Variants in GALNT13 observed in about 807,000 individuals in gnomAD.
GALNT13 encodes the protein UDP-GalNAc:polypeptide N-acetylgalactosaminyltransferase 13.
Under a neutral mutation model 64.2 loss-of-function variants are expected in GALNT13, and 28 were observed. The ratio of observed to expected loss-of-function variants is 0.44; its 90% CI spans 0.32 to 0.60. The LOEUF is 0.60. Ranked by LOEUF, GALNT13 falls within the 20% of genes least tolerant of loss-of-function variation. The pLI is 0.05. For missense variants in GALNT13, 577 were observed against 669.8 expected (o/e 0.86, Z 1.53); for synonymous variants, 214 against 224.6 (o/e 0.95, Z 0.42).
At chr2:153,891,992 A>G (rs911842509) in intron 1 of GALNT13, among the ~76,000 whole-genome samples, 4 of 152,026 alleles carry the variant, frequency 2.6e-5, no homozygotes, top group East Asian at 3.9e-4. Flanking sequence ...GCTCATTTCA[A>G]AGATCAGCTC....
At chr2:153,271,524 A>C in the GALNT13 span, among the ~76,000 whole-genome samples, 8 of 152,228 alleles carry the variant, frequency 5.3e-5, no homozygotes, top group African/African-American at 1.9e-4. Flanking sequence ...CAATTGCTAC[A>C]AAGAGAATAA....
intron 1 of GALNT13, among the ~76,000 whole-genome samples, 184 bp from the exon 2 acceptor site, chr2:153,900,752 G>T (rs1688182107): frequency 6.6e-6 from 1 of 152,014 alleles, no homozygotes; most frequent in African/African-American, 2.4e-5. Flanking sequence ...TGGAATATTT[G>T]CATATAGTTG....
chr2:154,002,265 G>GTT (rs1214548280), intron 3 of GALNT13, among the ~76,000 whole-genome samples: 4 of 151,998 alleles, frequency 2.6e-5, no homozygotes, highest in African/African-American at 9.6e-5. Flanking sequence ...TTTCTAGGCT[G>GTT]TTTTTTTCTT....
chr2:154,314,905 C>G (rs1186161514), intron 9 of GALNT13, among the ~76,000 whole-genome samples: 1 of 152,116 alleles, frequency 6.6e-6, no homozygotes, highest in East Asian at 1.9e-4. Context: ...GAAACACACT[C>G]TTCTTTGCCT....
chr2:153,735,753 A>T, the GALNT13 span, among the ~76,000 whole-genome samples: 3 of 152,198 alleles, frequency 2.0e-5, no homozygotes, highest in Admixed American at 6.5e-5. Context: ...ATATCCCTCA[A>T]CCTGGTTTGT....
chr2:153,629,780 T>A, the GALNT13 span, among the ~76,000 whole-genome samples: 5 of 147,062 alleles, frequency 3.4e-5, no homozygotes, highest in East Asian at 6.0e-4. Context: ...GAATCTACAA[T>A]GAACTCAAAC....
the GALNT13 span, among the ~76,000 whole-genome samples, chr2:153,105,994 T>A: frequency 6.6e-6 from 1 of 152,174 alleles, no homozygotes; most frequent in Non-Finnish European, 1.5e-5. Context: ...CATAGAGCTG[T>A]CAAGTCTCTG....
At chr2:153,870,312 G>A (rs534409194), upstream of GALNT13, among the ~76,000 whole-genome samples, 31 of 152,204 alleles carry the variant, frequency 2.0e-4, no homozygotes, top group African/African-American at 6.5e-4. Context: ...ACTGCAAAAT[G>A]GAATTGCGCC....
chr2:153,222,274 G>A, the GALNT13 span, among the ~76,000 whole-genome samples: 226 of 117,816 alleles, frequency 1.9e-3, 5 homozygotes, highest in East Asian at 0.062. Context: ...CATTTCCGCA[G>A]GCAGGTTTTC....
At chr2:154,141,705 T>C (rs950654779) in intron 4 of GALNT13, among the ~76,000 whole-genome samples, 1 of 152,224 alleles carries the variant, frequency 6.6e-6, no homozygotes, top group Admixed American at 6.6e-5. Flanking sequence ...GCATTGCTTT[T>C]CCAGCACAAA....
intron 3 of GALNT13, among the ~76,000 whole-genome samples, chr2:154,124,187 G>C (rs899640539): frequency 6.6e-6 from 1 of 151,852 alleles, no homozygotes; most frequent in African/African-American, 2.4e-5. Context: ...TAATCATTCA[G>C]ATGAGACCAA....
At chr2:154,236,131 C>G in intron 4 of GALNT13, 7 of 1,135,988 alleles carry the variant, frequency 6.2e-6, no homozygotes, top group African/African-American at 1.6e-5. Context: ...CTGACTTTCC[C>G]TGCTTTCGTG....
intron 4 of GALNT13, among the ~76,000 whole-genome samples, chr2:154,153,423 C>T (rs961090287): frequency 6.6e-6 from 1 of 152,208 alleles, no homozygotes; most frequent in East Asian, 1.9e-4. Flanking sequence ...TCTCAGATCT[C>T]TAGCTGCATG....
chr2:154,441,740 A>T (rs184495784), intron 12 of GALNT13: 16 of 152,166 alleles, frequency 1.1e-4, no homozygotes, highest in Admixed American at 2.6e-4. Context: ...TATCCAGAGA[A>T]AAATGGAAAC....
At chr2:153,809,128 C>T in the GALNT13 span, among the ~76,000 whole-genome samples, 5 of 152,238 alleles carry the variant, frequency 3.3e-5, no homozygotes, top group South Asian at 6.2e-4. Context: ...TCTTCACTGA[C>T]GGTAAAATCT....
the GALNT13 span, among the ~76,000 whole-genome samples, chr2:153,645,591 TC>T: frequency 6.6e-6 from 1 of 152,172 alleles, no homozygotes; most frequent in South Asian, 2.1e-4. Context: ...AGCTGTTTTT[TC>T]ACTCATCATG....
At chr2:153,938,877 G>C (rs1027345823) in intron 2 of GALNT13, among the ~76,000 whole-genome samples, 9 of 152,096 alleles carry the variant, frequency 5.9e-5, no homozygotes, top group African/African-American at 1.2e-4. Flanking sequence ...AGATACTAGG[G>C]GTTAGGACTT....
At chr2:153,369,119 C>A in the GALNT13 span, among the ~76,000 whole-genome samples, 1 of 151,980 alleles carries the variant, frequency 6.6e-6, no homozygotes, top group African/African-American at 2.4e-5. Flanking sequence ...TATTTTGAAA[C>A]AAATGAATGT....
At chr2:154,249,006 C>G (rs929504345) in intron 7 of GALNT13, among the ~76,000 whole-genome samples, 11 of 152,132 alleles carry the variant, frequency 7.2e-5, no homozygotes, top group Non-Finnish European at 1.3e-4. Context: ...GAGTTTGAAA[C>G]TCATCAAGCA....
Sources: allele counts gnomAD v4.1 joint callset (sites outside exome capture counted in the v4.1 genomes callset), GRCh38; gene constraint gnomAD v4.1.1; transcripts MANE v1.5; gene names NCBI Gene and HGNC (gene_info 2026-07-23, HGNC 2026-07-21).